Variants in MRPL21 observed in about 807,000 individuals in gnomAD.
MRPL21 encodes the protein mitochondrial ribosomal protein L21, also known as large ribosomal subunit protein bL21m.
MRPL21 carries 20 observed loss-of-function variants against 27.3 expected under a neutral mutation model. The ratio of observed to expected loss-of-function variants is 0.73; its 90% confidence interval spans 0.52 to 1.06. The LOEUF is 1.06. Among genes scored for constraint, MRPL21 ranks in the 50% least tolerant of loss-of-function variants. MRPL21 has a pLI of 0.00. For missense variants in MRPL21, 249 were observed against 251.4 expected, an observed-to-expected ratio of 0.99 and a Z score of 0.06; for synonymous variants, 98 against 101.5, an observed-to-expected ratio of 0.97 and a Z score of 0.21.
intron 6 of MRPL21, 157 bp downstream of exon 6, chr11:68,892,733 C>T: frequency 6.5e-7 from 1 of 1,535,840 alleles, no homozygotes. Context: ...TCTGGGTGCT[C>T]CCTCTAGGAT....
At position 68,897,938 on chromosome 11, in the gene MRPL21, C is replaced by G. The variant is rs368027804; in HGVS notation, c.221G>C (p.Arg74Thr). ...CAGGGAGGTCTTACCTGCATGGTGTCTGGTCTCCTCAACTGGGTCTGGCAG... is the reference window on the plus strand; with the variant it reads ...CAGGGAGGTCTTACCTGCATGGTGTGTGGTCTCCTCAACTGGGTCTGGCAG... The part of the protein sequence containing the change: ...VVLPDPVEET[R>T]HHAEVVKKVN... Residue 74 changes from arginine (R) to threonine (T), a missense_variant, in exon 3 of 7, where the codon AGA becomes ACA. Arg to Thr is a moderately conservative substitution (Grantham distance 71). Transcript: ENST00000362034. 17 of 1,614,002 alleles carry G rather than the reference C, an allele frequency of 1.1e-5. No homozygotes were observed. The East Asian group carries it at 3.6e-4, about 34-fold the overall frequency.
chr11:68,896,333 C>G lies in MRPL21; in HGVS notation c.396+182G>C, dbSNP rs545698071. The G allele has an allele frequency of 9.2e-5, 66 of 717,610 alleles. No individual in the cohort carries two copies. In the African/African-American group the frequency reaches 9.5e-4, roughly 10 times the overall value. The allele number at this position is 717,610 out of a possible 1,614,324, so 44.5% of individuals were successfully genotyped here. A position where few individuals can be genotyped will look rare whatever the true frequency, so the allele number is the denominator to read the frequency against. On this transcript the variant is annotated intron_variant, in intron 4 of 6. Coordinates refer to ENST00000362034, the MANE Select transcript of MRPL21 (RefSeq NM_181514.2). ...CCGCCCTCAGAGCAGTGGAAGCCTG[C>G]CCTGCCCTTGGACCCCAGCCCCGCC... is the stretch of plus-strand genomic sequence containing the variant.
intron 1 of MRPL21, among the ~76,000 whole-genome samples, chr11:68,902,106 CTG>C (rs1194881423): frequency 6.6e-6 from 1 of 152,240 alleles, no homozygotes; most frequent in Non-Finnish European, 1.5e-5. Context: ...GTCCTAGAGA[CTG>C]TGACTGTGTA....
At chr11:68,893,119 G>T in intron 5 of MRPL21, 126 bp from the exon 6 acceptor site, 2 of 1,351,582 alleles carry the variant, frequency 1.5e-6, no homozygotes, top group Non-Finnish European at 2.0e-6. Flanking sequence ...CGCCCTCAAT[G>T]GAAACATTTT....
chr11:68,892,787 G>C, intron 6 of MRPL21, 103 bp downstream of exon 6: 2 of 1,549,942 alleles, frequency 1.3e-6, no homozygotes, highest in South Asian at 2.4e-5. Flanking sequence ...AGACCTGCCT[G>C]GGCTTCCTGT....
chr11:68,897,582 C>G (rs375987822), intron 3 of MRPL21: 181 of 303,444 alleles, frequency 6.0e-4, no homozygotes, highest in African/African-American at 3.4e-3. Context: ...GTTTCTCCAA[C>G]AGCCCGGGTG....
At chr11:68,895,944 G>C (rs1264432071) in intron 4 of MRPL21, among the ~76,000 whole-genome samples, 5 of 152,112 alleles carry the variant, frequency 3.3e-5, no homozygotes, top group African/African-American at 1.2e-4. Flanking sequence ...CTCCCAATGT[G>C]GTGGGTCACC....
chr11:68,892,801 G>A (rs763268818), intron 6 of MRPL21, 89 bp downstream of exon 6: 10 of 1,557,444 alleles, frequency 6.4e-6, no homozygotes, highest in Admixed American at 3.9e-5. Context: ...TTCCTGTCCC[G>A]AGACCCACGT....
intron 1 of MRPL21, among the ~76,000 whole-genome samples, chr11:68,902,339 T>C (rs1263206435): frequency 6.6e-5 from 10 of 152,360 alleles, no homozygotes; most frequent in African/African-American, 2.4e-4. Context: ...AGTTTTATTA[T>C]GGAAAATGTC....
rs772240021 is a variant in MRPL21, at chr11:68,893,440, C to T, written c.412G>A (p.Ala138Thr). 2 of 1,614,144 alleles carry T rather than the reference C, an allele frequency of 1.2e-6. No homozygotes were observed. Among genetic ancestry groups the T allele is most frequent in the Non-Finnish European group, 8.5e-7 (1 of 1,180,032 alleles). Residue 138 changes from alanine (A) to threonine (T), a missense_variant, in exon 5 of 7, where the codon GCA becomes ACA. Physicochemically the swap from Ala to Thr is moderately conservative, Grantham distance 58 (BLOSUM62 0). Transcript: ENST00000362034. ...TTGCCAAGCAGCGTGAAGTTGTCTG[C>T]CCCAACCAGCAGGACCTGAAAAATT... ...IRLEKVLLVG[A>T]DNFTLLGKPL...
chr11:68,892,607 C>T lies in MRPL21; in HGVS notation c.553+283G>A, dbSNP rs1429718103. 3.7e-6 allele frequency: 5 copies of T among 1,336,988 alleles called. No homozygotes were observed. In the South Asian group the frequency reaches 4.9e-5, roughly 13 times the overall value. 82.8% of individuals were successfully genotyped at this position (1,336,988 alleles called of 1,614,324 possible). ...AAGGGGAGCGAGGTGGGGTCACGCG[C>T]GGAGGGTGGAGGAGAAGGGGAGCGA... On this transcript the variant is annotated intron_variant, in intron 6 of 6. Coordinates refer to ENST00000362034, the MANE Select transcript of MRPL21 (RefSeq NM_181514.2).
At chr11:68,898,501 C>T (rs1857857014) in intron 2 of MRPL21, among the ~76,000 whole-genome samples, 1 of 152,246 alleles carries the variant, frequency 6.6e-6, no homozygotes, top group African/African-American at 2.4e-5. Context: ...CCACCTCCAC[C>T]TCCTCCTAGG....
chr11:68,896,476 C>T, intron 4 of MRPL21, 39 bp downstream of exon 4: 1 of 1,608,528 alleles, frequency 6.2e-7, no homozygotes, highest in Non-Finnish European at 8.5e-7. Context: ...TACTTGGTGG[C>T]TGAGTCCCTG....
chr11:68,894,426 G>A (rs1229719705), intron 4 of MRPL21, among the ~76,000 whole-genome samples: 3 of 151,994 alleles, frequency 2.0e-5, no homozygotes, highest in Admixed American at 2.0e-4. Context: ...GACTACAGGC[G>A]CCCACCACAA....
Position 68,893,464 on chromosome 11 carries a change from TTCAACAGGTGTGTTTCA to T in MRPL21, c.397-26_397-10del, listed in dbSNP as rs1477627891. Reference sequence around the variant, plus strand: ...GCCCCAACCAGCAGGACCTGAAAAATTCAACAGGTGTGTTTCATCAGTGGCTCATTACGATGAGTAAG... The same window carrying T: ...GCCCCAACCAGCAGGACCTGAAAAATTCAGTGGCTCATTACGATGAGTAAG... On this transcript the variant is annotated splice_polypyrimidine_tract_variant and intron_variant, in intron 4 of 6. Coordinates refer to ENST00000362034, the MANE Select transcript of MRPL21 (RefSeq NM_181514.2). 6.2e-7 allele frequency: 1 copy of T among 1,613,850 alleles called. No homozygotes were observed. The highest frequency in any genetic ancestry group is 1.3e-5 in the African/African-American group (1 of 74,828).
At chr11:68,898,052 G>T in intron 2 of MRPL21, 40 bp from the exon 3 acceptor site, 1 of 1,521,886 alleles carries the variant, frequency 6.6e-7, no homozygotes, top group South Asian at 1.1e-5. Context: ...ACAAGCACCT[G>T]AAAAGGCAGC....
chr11:68,894,299 G>A (rs921497107), intron 4 of MRPL21, among the ~76,000 whole-genome samples: 4 of 152,074 alleles, frequency 2.6e-5, no homozygotes, highest in South Asian at 2.1e-4. Flanking sequence ...TTCTTTTTGT[G>A]ACCCAGAGTC....
intron 2 of MRPL21, 106 bp from the exon 3 acceptor site, chr11:68,898,118 A>C (rs1214015700): frequency 2.2e-6 from 2 of 922,764 alleles, no homozygotes; most frequent in Admixed American, 4.0e-5. Context: ...CCCCGGCAAC[A>C]AAAGGCTCGC....
chr11:68,896,564 A>G lies in MRPL21; in HGVS notation c.347T>C (p.Ile116Thr), dbSNP rs553569438. The G allele has an allele frequency of 1.2e-5, 19 of 1,614,230 alleles. No homozygotes were observed. In the East Asian group the frequency reaches 2.0e-4, roughly 17 times the overall value. Reference sequence around the variant, plus strand: ...ACACGCAAGGTCTAGTTCATTTCCAATTAAGATCAGGTCTTCAGAGGTCAC... The same window carrying G: ...ACACGCAAGGTCTAGTTCATTTCCAGTTAAGATCAGGTCTTCAGAGGTCAC... ...WKVTSEDLIL[I>T]GNELDLACGE... The change falls in exon 4 of 7, where the codon ATT becomes ACT. Residue 116 changes from isoleucine to threonine, a missense_variant. Coordinates refer to ENST00000362034, the MANE Select transcript of MRPL21 (RefSeq NM_181514.2).
Sources: allele counts gnomAD v4.1 joint callset (sites outside exome capture counted in the v4.1 genomes callset), GRCh38; gene constraint gnomAD v4.1.1; transcripts MANE v1.5; gene names NCBI Gene and HGNC (gene_info 2026-07-23, HGNC 2026-07-21).